Variants in AMBRA1 observed in about 807,000 individuals in gnomAD.
AMBRA1 encodes the protein autophagy and beclin 1 regulator 1, also known as activating molecule in BECN1-regulated autophagy protein 1.
AMBRA1 carries 47 observed loss-of-function variants against 125.4 expected under a neutral mutation model. The ratio of observed to expected loss-of-function variants is 0.37; its 90% CI spans 0.30 to 0.48. AMBRA1 has a LOEUF of 0.48. AMBRA1 is among the 20% of genes least tolerant of loss of function. The pLI, the probability that AMBRA1 is intolerant of heterozygous loss-of-function variation, is 0.99. For missense variants in AMBRA1, 1,331 were observed against 1,693.4 expected (o/e 0.79, Z 3.76); for synonymous variants, 626 against 655.5 (o/e 0.95, Z 0.69).
chr11:46,490,633 A>G (rs1412731182), intron 11 of AMBRA1, among the ~76,000 whole-genome samples: 1 of 152,144 alleles, frequency 6.6e-6, no homozygotes, highest in African/African-American at 2.4e-5. Context: ...CTAAAACTGC[A>G]GGTGTGTGTC....
At position 46,463,651 on chromosome 11, in the gene AMBRA1, G is replaced by A. The variant is rs1456980837; in HGVS notation, c.2522-20053C>T. 4.6e-5 allele frequency among the ~76,000 whole-genome samples: 7 copies of A among 152,238 alleles called. No individual in the cohort carries two copies. In the South Asian group the frequency reaches 6.2e-4, roughly 14 times the overall value. ...GCTTTGAGAAGATACCCACTCAATC[G>A]TCAGAATGGCACTTCCAAAATTCCT... On this transcript the variant is annotated intron_variant, in intron 11 of 17. Coordinates refer to ENST00000683756, the MANE Select transcript of AMBRA1 (RefSeq NM_001387011.1).
intron 12 of AMBRA1, among the ~76,000 whole-genome samples, chr11:46,435,254 T>TA (rs1947666178): frequency 6.6e-6 from 1 of 152,176 alleles, no homozygotes; most frequent in Non-Finnish European, 1.5e-5. Context: ...AACTATAGGA[T>TA]AGTCAACACC....
At chr11:46,437,874 T>G (rs1265681692) in intron 12 of AMBRA1, among the ~76,000 whole-genome samples, 2 of 152,158 alleles carry the variant, frequency 1.3e-5, no homozygotes, top group African/African-American at 4.8e-5. Context: ...TTACACACCA[T>G]TAGAAGTCTT....
chr11:46,465,295 C>A (rs2136853961), intron 11 of AMBRA1, among the ~76,000 whole-genome samples: 1 of 152,258 alleles, frequency 6.6e-6, no homozygotes, highest in East Asian at 1.9e-4. Flanking sequence ...CCCATGTGGC[C>A]TTGTGTTGTG....
chr11:46,481,174 C>T lies in AMBRA1; in HGVS notation c.2521+12434G>A, dbSNP rs538088691. ...CCAGACTGATAAGAGCAGCACGGTGCAATTACACCCAAACAGCTCTGTTTT... is the reference window on the plus strand; with the variant it reads ...CCAGACTGATAAGAGCAGCACGGTGTAATTACACCCAAACAGCTCTGTTTT... On this transcript the variant is annotated intron_variant, in intron 11 of 17. Coordinates refer to ENST00000683756, the MANE Select transcript of AMBRA1 (RefSeq NM_001387011.1). Among the ~76,000 whole-genome samples, 580 of 152,286 alleles carry T rather than the reference C, an allele frequency of 3.8e-3. 1 individual carries two copies. Among genetic ancestry groups the T allele is most frequent in the African/African-American group, 0.013 (534 of 41,548 alleles).
At chr11:46,585,820 T>C (rs1427823759) in intron 1 of AMBRA1, among the ~76,000 whole-genome samples, 1 of 147,654 alleles carries the variant, frequency 6.8e-6, no homozygotes, top group Non-Finnish European at 1.5e-5. Context: ...TTTTTTTTCT[T>C]TTGAGACGGA....
At chr11:46,566,420 GAAAA>G (rs1016807453) in intron 1 of AMBRA1, among the ~76,000 whole-genome samples, 1 of 133,088 alleles carries the variant, frequency 7.5e-6, no homozygotes, top group East Asian at 2.1e-4. Flanking sequence ...TACATCTCAA[GAAAA>G]AAAAAAAAGA....
chr11:46,544,051 C>A lies in AMBRA1; in HGVS notation c.552-10G>T. Reference sequence around the variant, plus strand: ...ATCAAATCTCACCAGACTAAAATCACAGAAGAAAGAGACAAAGACACACAT... The same window carrying A: ...ATCAAATCTCACCAGACTAAAATCAAAGAAGAAAGAGACAAAGACACACAT... On this transcript the variant is annotated splice_polypyrimidine_tract_variant and intron_variant, in intron 5 of 17. Transcript: ENST00000683756. The A allele has an allele frequency of 1.9e-6, 3 of 1,611,472 alleles. No individual in the cohort carries two copies. The highest frequency in any genetic ancestry group is 2.5e-6 in the Non-Finnish European group (3 of 1,177,960).
chr11:46,403,297 C>T (rs778108268), intron 17 of AMBRA1, among the ~76,000 whole-genome samples: 3 of 152,244 alleles, frequency 2.0e-5, no homozygotes, highest in Non-Finnish European at 2.9e-5. Context: ...GAGTACTGGT[C>T]TTCCAGCCCC....
chr11:46,547,933 C>T (rs1157451117), intron 2 of AMBRA1, 58 bp from the exon 3 acceptor site: 12 of 1,545,716 alleles, frequency 7.8e-6, no homozygotes, highest in African/African-American at 2.8e-5. Context: ...CATGGTTCAC[C>T]GTATCTCAAA....
intron 1 of AMBRA1, among the ~76,000 whole-genome samples, chr11:46,574,422 A>G (rs796665828): frequency 4.6e-5 from 7 of 151,388 alleles, no homozygotes; most frequent in South Asian, 2.1e-4. Flanking sequence ...GCCAGTGATG[A>G]TGAGCATTTT....
At chr11:46,580,850 A>T (rs1241535292) in intron 1 of AMBRA1, among the ~76,000 whole-genome samples, 1 of 152,106 alleles carries the variant, frequency 6.6e-6, no homozygotes, top group African/African-American at 2.4e-5. Context: ...GGAGTGCAGT[A>T]TCATGGTTTA....
chr11:46,457,001 C>T (rs531155524), intron 11 of AMBRA1, among the ~76,000 whole-genome samples: 1 of 152,320 alleles, frequency 6.6e-6, no homozygotes, highest in African/African-American at 2.4e-5. Flanking sequence ...TCCTTACAGG[C>T]CACCTACACG....
At chr11:46,415,735 G>T (rs1252994035) in intron 15 of AMBRA1, among the ~76,000 whole-genome samples, 1 of 152,358 alleles carries the variant, frequency 6.6e-6, no homozygotes, top group East Asian at 1.9e-4. Flanking sequence ...GTCTGTGACA[G>T]GACACTGTTC....
At chr11:46,420,006 A>ACACACACACACACACACACACACACACG (rs1946770785) in intron 14 of AMBRA1, among the ~76,000 whole-genome samples, 1 of 151,798 alleles carries the variant, frequency 6.6e-6, no homozygotes, top group African/African-American at 2.4e-5. Context: ...ACACACACAC[A>ACACACACACACACACACACACACACACG]CACACACACA....
chr11:46,591,001 T>G (rs2044577480), intron 1 of AMBRA1: 1 of 152,010 alleles, frequency 6.6e-6, no homozygotes, highest in South Asian at 2.1e-4. Context: ...GTTGATAAGC[T>G]CTATCCCTGT....
chr11:46,504,936 C>T (rs1490337594), intron 9 of AMBRA1, among the ~76,000 whole-genome samples: 1 of 152,130 alleles, frequency 6.6e-6, no homozygotes, highest in Non-Finnish European at 1.5e-5. Context: ...AGTAATGGCT[C>T]CCTTGGTTTT....
At chr11:46,446,645 C>G (rs868099621) in intron 11 of AMBRA1, among the ~76,000 whole-genome samples, 2 of 152,304 alleles carry the variant, frequency 1.3e-5, no homozygotes, top group Middle Eastern at 3.4e-3. Context: ...GGCCTCTACC[C>G]ACTAGATGCC....
chr11:46,568,300 A>T (rs1455161057), intron 1 of AMBRA1, among the ~76,000 whole-genome samples: 2 of 152,090 alleles, frequency 1.3e-5, no homozygotes, highest in African/African-American at 2.4e-5. Flanking sequence ...TCTACTAAAA[A>T]TACAAAAATT....
Sources: gnomAD v4.1 joint callset for allele counts (sites outside exome capture counted in the v4.1 genomes callset) on GRCh38, gnomAD v4.1.1 for gene constraint, MANE v1.5 for transcripts, NCBI Gene and HGNC (gene_info 2026-07-23, HGNC 2026-07-21) for gene names.